Variants in MRPL39 observed in about 807,000 individuals in gnomAD.
MRPL39 encodes large ribosomal subunit protein mL39.
MRPL39 carries 35 observed loss-of-function variants against 44.5 expected under a neutral mutation model. The observed-to-expected ratio is 0.79, with a 90% CI of 0.60 to 1.04. The LOEUF is 1.04. Ranked by LOEUF, MRPL39 falls within the 50% of genes least tolerant of loss-of-function variation. The probability of loss-of-function intolerance (pLI) is 0.00; values close to 1 mark genes in which losing one functional copy is unlikely to be tolerated. For synonymous variants in MRPL39, 139 were observed against 136.1 expected (o/e 1.02, Z -0.15); for missense variants, 433 against 413.5 (o/e 1.05, Z -0.41).
At chr21:25,605,169 T>C (rs376313198) in intron 2 of MRPL39, among the ~76,000 whole-genome samples, 2 of 152,252 alleles carry the variant, frequency 1.3e-5, no homozygotes, top group African/African-American at 4.8e-5. Flanking sequence ...GAATGGTTAC[T>C]GAGTTTTCCA....
At position 25,591,371 on chromosome 21, in the gene MRPL39, T is replaced by A. The variant is rs368636525; in HGVS notation, c.921+1441A>T. Among the ~76,000 whole-genome samples, 11 of 152,018 alleles carry A rather than the reference T, an allele frequency of 7.2e-5. No individual in the cohort carries two copies. In the East Asian group the frequency reaches 9.6e-4, roughly 13 times the overall value. On this transcript the variant is annotated intron_variant, in intron 8 of 9. Transcript: ENST00000352957. ...AGAGAATGAGAAAACAAGCCACATA[T>A]ACAAACACAAGGTACAGACAGAAAA... is the stretch of plus-strand genomic sequence containing the variant.
rs1243661774 is a variant in MRPL39 at position 25,585,673 on chromosome 21, A to G, written c.*34T>C. The G allele has an allele frequency of 5.2e-6, 6 of 1,147,214 alleles. No individual in the cohort carries two copies. Among genetic ancestry groups the G allele is most frequent in the Non-Finnish European group, 7.4e-6 (6 of 806,238 alleles). 71.1% of individuals were successfully genotyped at this position (1,147,214 alleles called of 1,614,324 possible). A position where few individuals can be genotyped will look rare whatever the true frequency, so the allele number is the denominator to read the frequency against. ...CACAAACATTATATTTAAAACATTT[A>G]TTTTATTATACATATTTAAATTTTA... On this transcript the variant is annotated 3_prime_UTR_variant, in exon 10 of 10. Coordinates refer to ENST00000352957, the MANE Select transcript of MRPL39 (RefSeq NM_017446.4).
At chr21:25,594,426 T>G (rs2031290743) in intron 6 of MRPL39, among the ~76,000 whole-genome samples, 1 of 151,790 alleles carries the variant, frequency 6.6e-6, no homozygotes, top group Non-Finnish European at 1.5e-5. Flanking sequence ...TAACTTTTTT[T>G]GGTAAAGATA....
chr21:25,606,569 T>G lies in MRPL39; in HGVS notation c.160A>C (p.Arg54=). 1 of 1,613,844 alleles carries G rather than the reference T, an allele frequency of 6.2e-7. No individual in the cohort carries two copies. ...GTTCGGGGAGTTAATGATAACTGCC[T>G]GGCTTTCTCTTTATTAAAGAGATCA... ...RNDLFNKEKA[R]QLSLTPRTEK... The change falls in exon 2 of 10, where the codon AGG becomes CGG. Residue 54 remains arginine (R), a synonymous_variant. Transcript: ENST00000352957.
In MRPL39 at chr21:25,607,433, G is replaced by C; in HGVS notation, c.43C>G (p.Leu15Val). 1 of 1,613,332 alleles carries C rather than the reference G, an allele frequency of 6.2e-7. No homozygotes were observed. Among genetic ancestry groups the C allele is most frequent in the African/African-American group, 1.3e-5 (1 of 75,042 alleles). Residue 15 changes from leucine to valine, a missense_variant, in exon 1 of 10, where the codon CTG becomes GTG. By Grantham distance (32) the Leu-to-Val change is conservative. Coordinates refer to ENST00000352957, the MANE Select transcript of MRPL39 (RefSeq NM_017446.4). Reference protein sequence around the residue: ...AMGSRALRLWLVAPGGGIKWR... With the variant: ...AMGSRALRLWVVAPGGGIKWR... ...TTGATCCCGCCACCGGGTGCGACCA[G>C]CCAGAGCCGCAGCGCCCGGGAACCC...
intron 4 of MRPL39, among the ~76,000 whole-genome samples, chr21:25,600,780 C>T (rs1568864998): frequency 6.6e-6 from 1 of 152,246 alleles, no homozygotes; most frequent in East Asian, 1.9e-4. Context: ...CTCCTCTATA[C>T]ATCCAATTTG....
intron 3 of MRPL39, among the ~76,000 whole-genome samples, chr21:25,602,195 G>A (rs973989805): frequency 1.3e-5 from 2 of 152,128 alleles, no homozygotes; most frequent in Admixed American, 6.5e-5. Flanking sequence ...AATAAGTACA[G>A]ACCCAGGCCT....
chr21:25,602,847 C>T (rs1252096121), intron 3 of MRPL39, among the ~76,000 whole-genome samples: 2 of 152,156 alleles, frequency 1.3e-5, no homozygotes, highest in Non-Finnish European at 2.9e-5. Context: ...CAGCATAAAC[C>T]ATTAGTGACT....
chr21:25,601,552 C>T (rs1009081624), intron 3 of MRPL39, 85 bp from the exon 4 acceptor site: 1 of 853,780 alleles, frequency 1.2e-6, no homozygotes, highest in Admixed American at 3.1e-5. Flanking sequence ...TTTAAGTGAA[C>T]TTCTGACTTA....
At chr21:25,586,947 T>G (rs1423387480) in intron 9 of MRPL39, among the ~76,000 whole-genome samples, 1 of 152,192 alleles carries the variant, frequency 6.6e-6, no homozygotes, top group African/African-American at 2.4e-5. Context: ...AAGTAAATTT[T>G]GTGCATTTTT....
chr21:25,588,933 T>C (rs1277834146), intron 8 of MRPL39, 51 bp from the exon 9 acceptor site: 1 of 1,473,992 alleles, frequency 6.8e-7, no homozygotes, highest in African/African-American at 1.4e-5. Flanking sequence ...AATGTCAAAG[T>C]AAAAAGGACA....
upstream of MRPL39, among the ~76,000 whole-genome samples, chr21:25,607,840 T>G (rs2031744093): frequency 7.1e-6 from 1 of 140,750 alleles, no homozygotes; most frequent in Non-Finnish European, 1.5e-5. Flanking sequence ...GTGAAGCGCT[T>G]GCTTCCCTAA....
chr21:25,601,231 TAAGA>T, intron 4 of MRPL39, 133 bp downstream of exon 4: 1 of 420,124 alleles, frequency 2.4e-6, no homozygotes, highest in African/African-American at 2.1e-5. Flanking sequence ...TTCATCATAG[TAAGA>T]AAGATTTTGT....
Position 25,585,709 on chromosome 21 carries a change from A to G in MRPL39, c.1015T>C (p.Ter339GlnextTer1), listed in dbSNP as rs776709156. 1.3e-6 allele frequency: 2 copies of G among 1,517,042 alleles called. No individual in the cohort carries two copies. The highest frequency in any genetic ancestry group is 2.5e-5 in the South Asian group (2 of 80,902). 94.0% of individuals were successfully genotyped at this position (1,517,042 alleles called of 1,614,324 possible). ...SKATEECTST* is the reference protein window; with the variant it reads ...SKATEECTSTQ Reference sequence around the variant, plus strand: ...CATATTTAAATTTTAGAAAGTTATTAGGTAGATGTACATTCCTCTGTTGCT... The same window carrying G: ...CATATTTAAATTTTAGAAAGTTATTGGGTAGATGTACATTCCTCTGTTGCT... Residue 339 changes from the stop codon to glutamine (Q), a stop_lost, in exon 10 of 10, where the codon TAA becomes CAA. Coordinates refer to ENST00000352957, the MANE Select transcript of MRPL39 (RefSeq NM_017446.4).
At chr21:25,603,408 T>C (rs1285282311) in intron 3 of MRPL39, among the ~76,000 whole-genome samples, 1 of 151,984 alleles carries the variant, frequency 6.6e-6, no homozygotes, top group Non-Finnish European at 1.5e-5. Context: ...GAACAACTTT[T>C]AAGTAACGAA....
chr21:25,602,853 T>G (rs144766188), intron 3 of MRPL39, among the ~76,000 whole-genome samples: 1 of 152,326 alleles, frequency 6.6e-6, no homozygotes, highest in East Asian at 1.9e-4. Context: ...AAACCATTAG[T>G]GACTGATATG....
intron 5 of MRPL39, 102 bp from the exon 6 acceptor site, chr21:25,597,516 TA>T: frequency 1.7e-6 from 1 of 582,376 alleles, no homozygotes; most frequent in Non-Finnish European, 2.9e-6. Flanking sequence ...CAAATCCAAC[TA>T]AAATAAAAGA....
intron 8 of MRPL39, among the ~76,000 whole-genome samples, chr21:25,592,589 A>C (rs906536200): frequency 2.0e-5 from 3 of 152,126 alleles, no homozygotes; most frequent in African/African-American, 7.2e-5. Flanking sequence ...GAAATTTTTA[A>C]ATGCTATGTC....
intron 5 of MRPL39, among the ~76,000 whole-genome samples, chr21:25,599,389 G>A (rs2031454733): frequency 6.6e-6 from 1 of 152,150 alleles, no homozygotes; most frequent in African/African-American, 2.4e-5. Flanking sequence ...TTTTCAAATT[G>A]TGCTCCAGCG....
Sources: allele counts gnomAD v4.1 joint callset (sites outside exome capture counted in the v4.1 genomes callset), GRCh38; gene constraint gnomAD v4.1.1; transcripts MANE v1.5; gene names NCBI Gene and HGNC (gene_info 2026-07-23, HGNC 2026-07-21).